NCKAP5: variants seen among roughly 807,000 people sequenced by gnomAD.
The protein encoded by NCKAP5 is NCK associated protein 5.
A neutral mutation model predicts 167.0 loss-of-function variants in NCKAP5; 92 were observed. The ratio of observed to expected loss-of-function variants is 0.55; its 90% CI spans 0.47 to 0.66. NCKAP5 has a LOEUF of 0.66. NCKAP5 is among the 30% of genes least tolerant of loss of function. NCKAP5 has a pLI of 0.00. For missense variants in NCKAP5, 2,378 were observed against 2,315.0 expected, an observed-to-expected ratio of 1.03 and a Z score of -0.56; for synonymous variants, 891 against 877.4, an observed-to-expected ratio of 1.02 and a Z score of -0.27.
intron 3 of NCKAP5, among the ~76,000 whole-genome samples, chr2:133,470,687 A>T (rs1355138372): frequency 6.6e-6 from 1 of 152,212 alleles, no homozygotes; most frequent in African/African-American, 2.4e-5. Context: ...GGACCCTCCA[A>T]GCCAGGTGCA....
At chr2:132,810,243 T>G (rs1245637674) in intron 11 of NCKAP5, among the ~76,000 whole-genome samples, 9 of 152,230 alleles carry the variant, frequency 5.9e-5, no homozygotes, top group African/African-American at 2.4e-5. Context: ...CTGATGACAA[T>G]GTGCCTAGGC....
intron 5 of NCKAP5, among the ~76,000 whole-genome samples, chr2:133,179,778 T>C (rs145200669): frequency 3.4e-4 from 51 of 151,040 alleles, no homozygotes; most frequent in Middle Eastern, 3.4e-3. Flanking sequence ...CAAAAGAAAA[T>C]ACACAGTCTG....
At chr2:132,808,388 T>C (rs201366161) in intron 11 of NCKAP5, among the ~76,000 whole-genome samples, 2 of 152,044 alleles carry the variant, frequency 1.3e-5, no homozygotes, top group Admixed American at 6.5e-5. Flanking sequence ...CATCTGGTCC[T>C]GAACTTTTTT....
At chr2:133,038,440 T>C (rs2079106285) in intron 6 of NCKAP5, among the ~76,000 whole-genome samples, 1 of 151,950 alleles carries the variant, frequency 6.6e-6, no homozygotes, top group African/African-American at 2.4e-5. Flanking sequence ...CTCATGGACA[T>C]AGAGAGTAGA....
intron 3 of NCKAP5, among the ~76,000 whole-genome samples, chr2:133,468,587 A>G (rs2151269791): frequency 6.6e-6 from 1 of 152,218 alleles, no homozygotes; most frequent in Non-Finnish European, 1.5e-5. Context: ...TGTCTCGTTG[A>G]TCTGTCTAAT....
intron 19 of NCKAP5, among the ~76,000 whole-genome samples, chr2:132,684,584 C>T (rs560771516): frequency 3.9e-5 from 6 of 152,130 alleles, no homozygotes; most frequent in Admixed American, 1.3e-4. Context: ...AATAACCCAA[C>T]GTAACAGGTG....
chr2:132,947,649 G>A (rs1214279588), intron 8 of NCKAP5, among the ~76,000 whole-genome samples: 1 of 152,114 alleles, frequency 6.6e-6, no homozygotes, highest in East Asian at 1.9e-4. Flanking sequence ...ATTCAACCCA[G>A]CGAGCTCTGT....
intron 7 of NCKAP5, among the ~76,000 whole-genome samples, chr2:132,967,403 C>T (rs2076705648): frequency 6.6e-6 from 1 of 152,154 alleles, no homozygotes; most frequent in Non-Finnish European, 1.5e-5. Context: ...GTGACTCATA[C>T]TCTAACACAG....
chr2:132,835,311 A>G (rs1687811943), intron 11 of NCKAP5, among the ~76,000 whole-genome samples: 1 of 152,058 alleles, frequency 6.6e-6, no homozygotes, highest in Non-Finnish European at 1.5e-5. Flanking sequence ...TGGTTTTGGT[A>G]TCAGGATGAT....
intron 11 of NCKAP5, among the ~76,000 whole-genome samples, chr2:132,801,813 C>T (rs889497096): frequency 6.6e-6 from 1 of 152,208 alleles, no homozygotes; most frequent in African/African-American, 2.4e-5. Flanking sequence ...CCTCAACAGA[C>T]TGTGCCAGGG....
chr2:133,172,802 C>A (rs979373104), intron 5 of NCKAP5, among the ~76,000 whole-genome samples: 3 of 152,170 alleles, frequency 2.0e-5, no homozygotes, highest in African/African-American at 7.2e-5. Context: ...CGCCCACCAA[C>A]ACGCCCAGCT....
intron 1 of NCKAP5, among the ~76,000 whole-genome samples, chr2:133,567,657 C>CTCTG (rs375516676): frequency 0.057 from 7,424 of 131,026 alleles, 283 homozygotes; most frequent in African/African-American, 0.084. Context: ...ATGAATGAGC[C>CTCTG]TGTGTGTGTG....
At chr2:132,977,696 A>C (rs555188573) in intron 7 of NCKAP5, among the ~76,000 whole-genome samples, 61 of 152,348 alleles carry the variant, frequency 4.0e-4, no homozygotes, top group Non-Finnish European at 7.8e-4. Flanking sequence ...CAGAAAAGAG[A>C]GAAGCTCCAC....
chr2:133,132,666 T>A (rs2082649218), intron 5 of NCKAP5, among the ~76,000 whole-genome samples: 1 of 150,690 alleles, frequency 6.6e-6, no homozygotes. Context: ...TGAAAAATAT[T>A]TGTACCCAAT....
At chr2:133,362,885 C>CTGAGGGTGCCTATAGCA in intron 3 of NCKAP5, among the ~76,000 whole-genome samples, 1 of 151,978 alleles carries the variant, frequency 6.6e-6, no homozygotes, top group Non-Finnish European at 1.5e-5. Flanking sequence ...TCCCGAGTAG[C>CTGAGGGTGCCTATAGCA]TGGGACTATA....
At chr2:132,843,419 C>T (rs73956969) in intron 11 of NCKAP5, among the ~76,000 whole-genome samples, 6,217 of 151,934 alleles carry the variant, frequency 0.041, 280 homozygotes, top group East Asian at 0.12. Context: ...TTATTTATGA[C>T]TTGTAAATTT....
chr2:132,880,862 A>G (rs938012243), intron 8 of NCKAP5, among the ~76,000 whole-genome samples: 2 of 152,092 alleles, frequency 1.3e-5, no homozygotes, highest in African/African-American at 4.8e-5. Context: ...ATTCCTTTCC[A>G]TTTCTTTTCT....
intron 4 of NCKAP5, among the ~76,000 whole-genome samples, chr2:133,234,205 G>C (rs1004199520): frequency 6.6e-6 from 1 of 152,190 alleles, no homozygotes; most frequent in Non-Finnish European, 1.5e-5. Flanking sequence ...TCAGTGGAGA[G>C]AACTGGATAG....
intron 3 of NCKAP5, among the ~76,000 whole-genome samples, chr2:133,325,745 G>T (rs1417000184): frequency 1.3e-5 from 2 of 152,188 alleles, no homozygotes; most frequent in Non-Finnish European, 2.9e-5. Flanking sequence ...GATGTCAACT[G>T]GTTCAATGAT....
Sources: allele counts gnomAD v4.1 joint callset (sites outside exome capture counted in the v4.1 genomes callset), GRCh38; gene constraint gnomAD v4.1.1; transcripts MANE v1.5; gene names NCBI Gene and HGNC (gene_info 2026-07-23, HGNC 2026-07-21).